Variants in CRACD observed in about 807,000 individuals in gnomAD.
CRACD encodes the protein capping protein inhibiting regulator of actin dynamics.
A neutral mutation model predicts 106.8 loss-of-function variants in CRACD; 56 were observed. That is an observed-to-expected ratio of 0.52 (90% CI 0.42 to 0.66). CRACD has a LOEUF of 0.66. CRACD is among the 30% of genes least tolerant of loss of function. The pLI, the probability that CRACD is intolerant of heterozygous loss-of-function variation, is 0.00. For synonymous variants in CRACD, 754 were observed against 670.8 expected (o/e 1.12, Z -1.92); for missense variants, 1,730 against 1,623.2 (o/e 1.07, Z -1.13).
At chr4:56,064,449 C>T (rs535970204) in intron 1 of CRACD, among the ~76,000 whole-genome samples, 3 of 152,324 alleles carry the variant, frequency 2.0e-5, no homozygotes, top group African/African-American at 7.2e-5. Context: ...GGTGGACCAG[C>T]ACACTTTTCA....
intron 2 of CRACD, among the ~76,000 whole-genome samples, chr4:56,197,624 A>C (rs17086420): frequency 6.6e-6 from 1 of 152,042 alleles, no homozygotes; most frequent in Non-Finnish European, 1.5e-5. Context: ...GGCTTTTACC[A>C]CATCTCTAGG....
Position 56,315,554 on chromosome 4 carries a change from C to G in CRACD, c.2052C>G (p.Arg684=). 3.7e-6 allele frequency: 6 copies of G among 1,614,110 alleles called. No individual in the cohort carries two copies. Among genetic ancestry groups the G allele is most frequent in the Non-Finnish European group, 5.1e-6 (6 of 1,180,032 alleles). The change falls in exon 8 of 11, where the codon CGC becomes CGG. Residue 684 remains arginine, a synonymous_variant. Transcript: ENST00000682029. This position sits in a 1 kb window ranked among gnomAD's most constrained non-coding sequence, Gnocchi z 4.1. ...TGAAGAACGCAGAGAGTGACCCGCG[C>G]AGCAGCGAGAGGGACCAGTTGAGGC... is the stretch of plus-strand genomic sequence containing the variant. ...RILKNAESDP[R]SSERDQLRPG...
chr4:56,288,618 T>G (rs1183876807), intron 3 of CRACD: 1 of 153,428 alleles, frequency 6.5e-6, no homozygotes, highest in Non-Finnish European at 1.5e-5. Flanking sequence ...CTTCTCCCCT[T>G]TCTTTCACTT....
In CRACD at chr4:56,128,415, G is replaced by A. The variant is rs28753961; in HGVS notation, c.-335-50869G>A. ...ATGAACAGTAATCCTTAGTCACTGC[G>A]AATTCTGAAATTTTTTTGGCCTGGT... is the stretch of plus-strand genomic sequence containing the variant. On this transcript the variant is annotated intron_variant, in intron 1 of 10. Transcript: ENST00000682029. 5.5e-3 allele frequency among the ~76,000 whole-genome samples: 837 copies of A among 152,200 alleles called. 5 individuals are homozygous for A. The highest frequency in any genetic ancestry group is 0.019 in the African/African-American group (773 of 41,542).
At chr4:56,116,235 G>A (rs1324490421) in intron 1 of CRACD, among the ~76,000 whole-genome samples, 2 of 152,062 alleles carry the variant, frequency 1.3e-5, no homozygotes, top group African/African-American at 4.8e-5. Context: ...TTGATGTTCT[G>A]GTCTCCTAAT....
At chr4:56,281,152 G>C (rs750152206) in intron 3 of CRACD, among the ~76,000 whole-genome samples, 1 of 152,142 alleles carries the variant, frequency 6.6e-6, no homozygotes, top group African/African-American at 2.4e-5. Flanking sequence ...CGCACAGCAG[G>C]GGGTAAGTGG....
intron 1 of CRACD, chr4:56,170,293 A>G (rs1302204738): frequency 6.6e-6 from 1 of 152,260 alleles, no homozygotes; most frequent in East Asian, 1.9e-4. Flanking sequence ...GGGATGATAC[A>G]TGTTCAGTTG....
At chr4:56,212,684 AT>A (rs1198451168) in intron 2 of CRACD, among the ~76,000 whole-genome samples, 2 of 152,234 alleles carry the variant, frequency 1.3e-5, no homozygotes, top group East Asian at 3.9e-4. Flanking sequence ...TTAGCCAATG[AT>A]TTTTCCCTAC....
chr4:56,204,155 T>C (rs1259351207), intron 2 of CRACD, among the ~76,000 whole-genome samples: 2 of 152,308 alleles, frequency 1.3e-5, no homozygotes, highest in East Asian at 1.9e-4. Flanking sequence ...ACAGTCTACA[T>C]GATCCCACAC....
At chr4:56,138,536 C>G (rs1735085189) in intron 1 of CRACD, among the ~76,000 whole-genome samples, 1 of 151,826 alleles carries the variant, frequency 6.6e-6, no homozygotes, top group South Asian at 2.1e-4. Flanking sequence ...ATCTTGGGAG[C>G]AATGGGAAAA....
intron 6 of CRACD, chr4:56,310,967 TGC>T (rs1221721814): frequency 2.0e-6 from 1 of 512,120 alleles, no homozygotes; most frequent in African/African-American, 1.9e-5. Context: ...ACTCCCAGCA[TGC>T]CTGTGTTTGG....
chr4:56,295,072 A>G (rs892175929), intron 3 of CRACD, among the ~76,000 whole-genome samples: 1 of 152,026 alleles, frequency 6.6e-6, no homozygotes, highest in Non-Finnish European at 1.5e-5. Flanking sequence ...GTATAAAAAC[A>G]GGTAAGTAAA....
At chr4:56,161,275 G>A (rs1306860070) in intron 1 of CRACD, among the ~76,000 whole-genome samples, 1 of 152,004 alleles carries the variant, frequency 6.6e-6, no homozygotes, top group Non-Finnish European at 1.5e-5. Context: ...TTTAGGCAAT[G>A]TGTAAAATTA....
At chr4:56,150,894 G>T (rs1406954827) in intron 1 of CRACD, among the ~76,000 whole-genome samples, 1 of 152,220 alleles carries the variant, frequency 6.6e-6, no homozygotes, top group African/African-American at 2.4e-5. Flanking sequence ...AGTCATGGGG[G>T]ATGTGTGTCT....
At chr4:56,049,696 C>T (rs745757540) in intron 1 of CRACD, among the ~76,000 whole-genome samples, 10 of 152,158 alleles carry the variant, frequency 6.6e-5, no homozygotes, top group Non-Finnish European at 1.0e-4. Context: ...TCCGGGATCG[C>T]GGACGCCGTC....
At chr4:56,200,848 A>G (rs757715571) in intron 2 of CRACD, among the ~76,000 whole-genome samples, 17 of 152,206 alleles carry the variant, frequency 1.1e-4, no homozygotes, top group Non-Finnish European at 1.9e-4. Context: ...TAATGCACAT[A>G]CCATAAAATT....
At chr4:56,209,575 A>G (rs1187527388) in intron 2 of CRACD, among the ~76,000 whole-genome samples, 1 of 152,152 alleles carries the variant, frequency 6.6e-6, no homozygotes, top group Non-Finnish European at 1.5e-5. Flanking sequence ...GATAAAAATT[A>G]TTAAATTATT....
intron 5 of CRACD, among the ~76,000 whole-genome samples, chr4:56,310,105 TG>T (rs1745038278): frequency 6.6e-6 from 1 of 151,992 alleles, no homozygotes; most frequent in Non-Finnish European, 1.5e-5. Flanking sequence ...GGGGGTCTCC[TG>T]GGCATGCCTA....
rs1032472838 is a variant in CRACD, at chr4:56,101,808, G to A, written c.-336+52509G>A. ...TGTGTTACTAAACAATGTATGATAC[G>A]ATTGTGCATATATTAAACATTTTAT... On this transcript the variant is annotated intron_variant, in intron 1 of 10. Coordinates refer to ENST00000682029, the MANE Select transcript of CRACD (RefSeq NM_001393381.1). Among the ~76,000 whole-genome samples, 8 of 150,168 alleles carry A rather than the reference G, an allele frequency of 5.3e-5. 1 individual carries two copies. The highest frequency in any genetic ancestry group is 6.6e-5 in the Admixed American group (1 of 15,048).
Sources: allele counts gnomAD v4.1 joint callset (sites outside exome capture counted in the v4.1 genomes callset), GRCh38; gene constraint gnomAD v4.1.1; non-coding constraint Gnocchi (gnomAD v3.1); transcripts MANE v1.5; gene names NCBI Gene and HGNC (gene_info 2026-07-23, HGNC 2026-07-21).